The following SLC35A5 variants were observed in gnomAD, a reference collection of about 807,000 sequenced individuals.
SLC35A5 encodes solute carrier family 35 member A5.
In SLC35A5, 28 loss-of-function variants were observed where a neutral mutation model predicts 36.3. The ratio of observed to expected loss-of-function variants is 0.77; its 90% CI spans 0.57 to 1.06. SLC35A5 has a LOEUF of 1.06. Among genes scored for constraint, SLC35A5 ranks in the 50% least tolerant of loss-of-function variants. The pLI is 0.00. For missense variants in SLC35A5, 521 were observed against 499.3 expected (o/e 1.04, Z -0.41); for synonymous variants, 180 against 173.7 (o/e 1.04, Z -0.29).
intron 5 of SLC35A5, among the ~76,000 whole-genome samples, chr3:112,578,035 T>C (rs1934744973): frequency 6.6e-6 from 1 of 152,210 alleles, no homozygotes; most frequent in Non-Finnish European, 1.5e-5. Context: ...CTAGGAAAAC[T>C]TATAGTGATG....
intron 3 of SLC35A5, 64 bp from the exon 4 acceptor site, chr3:112,570,476 G>C (rs1934387587): frequency 6.6e-7 from 1 of 1,518,200 alleles, no homozygotes; most frequent in African/African-American, 1.4e-5. Context: ...ATCAAGTGCA[G>C]TGTAATTTCT....
chr3:112,584,875 A>G lies in SLC35A5; in HGVS notation c.*2139A>G, dbSNP rs933395590. ...TGCAGCCATAAAAAATAATGAAACCATGTGCTTTAAAGCCACATGGATGCA... is the reference window on the plus strand; with the variant it reads ...TGCAGCCATAAAAAATAATGAAACCGTGTGCTTTAAAGCCACATGGATGCA... On this transcript the variant is annotated 3_prime_UTR_variant, in exon 7 of 7. Transcript: ENST00000492406. 2 of 152,176 alleles carry G rather than the reference A, an allele frequency of 1.3e-5. No individual in the cohort carries two copies. Among genetic ancestry groups the G allele is most frequent in the Admixed American group, 6.5e-5 (1 of 15,270 alleles). 9.4% of individuals were successfully genotyped at this position (152,176 alleles called of 1,614,324 possible). A position where few individuals can be genotyped will look rare whatever the true frequency, so the allele number is the denominator to read the frequency against.
chr3:112,562,734 A>G (rs1222605740), intron 1 of SLC35A5, among the ~76,000 whole-genome samples: 2 of 152,356 alleles, frequency 1.3e-5, no homozygotes, highest in East Asian at 3.9e-4. Context: ...TACAATTCTG[A>G]AAGCCTTATC....
rs775489012 is a variant in SLC35A5, at chr3:112,580,650, G to T, written c.533G>T (p.Arg178Leu). The stretch of plus-strand genomic sequence containing the variant: ...ACTTTACAGCACAACTTGGCAGGAC[G>T]TGGATTTCATCACGATGCCTTTTTC... ...TKTLQHNLAG[R>L]GFHHDAFFSP... The change falls in exon 6 of 7, where the codon CGT (arginine) becomes CTT (leucine). Residue 178 changes from arginine (R) to leucine (L), a missense_variant. Transcript: ENST00000492406. 179 of 1,613,996 alleles carry T rather than the reference G, an allele frequency of 1.1e-4. 1 individual carries two copies. The highest frequency in any genetic ancestry group is 1.5e-4 in the Non-Finnish European group (174 of 1,179,972).
chr3:112,569,306 T>A (rs1408689008), intron 3 of SLC35A5, 37 bp downstream of exon 3: 3 of 1,518,136 alleles, frequency 2.0e-6, no homozygotes, highest in Admixed American at 3.5e-5. Context: ...TTGTTAATCA[T>A]AGGACCAAAA....
chr3:112,574,073 T>G, intron 5 of SLC35A5, 117 bp downstream of exon 5: 2 of 910,488 alleles, frequency 2.2e-6, no homozygotes, highest in Non-Finnish European at 1.7e-6. Context: ...TTGTTCCTAA[T>G]TGACTTTGTG....
intron 2 of SLC35A5, among the ~76,000 whole-genome samples, chr3:112,567,283 A>G (rs537754971): frequency 1.4e-3 from 208 of 152,072 alleles, no homozygotes; most frequent in African/African-American, 5.0e-3. Context: ...AGCCAAAGGA[A>G]ATGGAGCCAA....
chr3:112,562,384 G>A (rs1257070571), intron 1 of SLC35A5, 111 bp downstream of exon 1: 1 of 152,322 alleles, frequency 6.6e-6, no homozygotes, highest in African/African-American at 2.4e-5. Context: ...GACTGTGAAG[G>A]GAAATCTGGC....
intron 2 of SLC35A5, among the ~76,000 whole-genome samples, chr3:112,566,294 C>G (rs1417280458): frequency 6.6e-6 from 1 of 152,174 alleles, no homozygotes; most frequent in East Asian, 1.9e-4. Context: ...AGCTATGTCC[C>G]TACTGCAGTT....
At chr3:112,574,237 A>C (rs1178965390) in intron 5 of SLC35A5, among the ~76,000 whole-genome samples, 1 of 152,246 alleles carries the variant, frequency 6.6e-6, no homozygotes, top group Non-Finnish European at 1.5e-5. Flanking sequence ...CCAGATTTTC[A>C]ACAAAGAATT....
chr3:112,569,174 AC>A lies in SLC35A5; in HGVS notation c.135del (p.Asn45LysfsTer10). 3 of 1,612,164 alleles carry A rather than the reference AC, an allele frequency of 1.9e-6. No individual in the cohort carries two copies. Among genetic ancestry groups the A allele is most frequent in the Non-Finnish European group, 2.5e-6 (3 of 1,178,724 alleles). ...AAACATTTCTGTTACATTTCAGAAA[AC>A]AAGTATGATTATCTTCCAACTACTG... ...LLVKYSANEE[N>X]KYDYLPTTVN... On this transcript the variant is annotated frameshift_variant, in exon 3 of 7. Coordinates refer to ENST00000492406, the MANE Select transcript of SLC35A5 (RefSeq NM_017945.5). LOFTEE classifies it high-confidence loss of function.
At chr3:112,567,801 A>G (rs1934266726) in intron 2 of SLC35A5, among the ~76,000 whole-genome samples, 1 of 152,176 alleles carries the variant, frequency 6.6e-6, no homozygotes. Context: ...AACCACTGAA[A>G]AGCAAGAACA....
At chr3:112,570,742 T>A (rs1056352596) in intron 4 of SLC35A5, 72 bp downstream of exon 4, 8 of 1,410,578 alleles carry the variant, frequency 5.7e-6, no homozygotes, top group Non-Finnish European at 6.6e-6. Context: ...TTTTTTTTTT[T>A]ATCATTTTTG....
At chr3:112,565,990 A>G (rs1200842906) in intron 2 of SLC35A5, among the ~76,000 whole-genome samples, 1 of 152,204 alleles carries the variant, frequency 6.6e-6, no homozygotes, top group East Asian at 1.9e-4. Context: ...TGGCAGTGGA[A>G]AAGACAGGAA....
At chr3:112,561,444 T>G, upstream of SLC35A5, 1 of 1,605,054 alleles carries the variant, frequency 6.2e-7, no homozygotes, top group Non-Finnish European at 8.5e-7. Flanking sequence ...CCGGCAACCC[T>G]GGCCTGGCTT....
chr3:112,578,066 A>G (rs1399053981), intron 5 of SLC35A5, among the ~76,000 whole-genome samples: 1 of 152,244 alleles, frequency 6.6e-6, no homozygotes, highest in Non-Finnish European at 1.5e-5. Flanking sequence ...ATAAGTATAT[A>G]TAGAAAATAT....
At chr3:112,569,338 A>AT in intron 3 of SLC35A5, 69 bp downstream of exon 3, 1 of 1,158,512 alleles carries the variant, frequency 8.6e-7, no homozygotes, top group Admixed American at 1.8e-5. Context: ...TGGAAGGAAC[A>AT]TTTTGTATCA....
chr3:112,566,980 A>G (rs1559856266), intron 2 of SLC35A5, among the ~76,000 whole-genome samples: 1 of 152,166 alleles, frequency 6.6e-6, no homozygotes, highest in Non-Finnish European at 1.5e-5. Context: ...TAATCCCAGC[A>G]CTTTGGGAGG....
intron 2 of SLC35A5, among the ~76,000 whole-genome samples, chr3:112,567,716 CAGG>C (rs921307266): frequency 2.2e-4 from 34 of 152,294 alleles, no homozygotes; most frequent in African/African-American, 7.7e-4. Flanking sequence ...TTAGTGTGGG[CAGG>C]AGATGTGTGG....
Sources: allele counts gnomAD v4.1 joint callset (sites outside exome capture counted in the v4.1 genomes callset), GRCh38; gene constraint gnomAD v4.1.1; transcripts MANE v1.5; gene names NCBI Gene and HGNC (gene_info 2026-07-23, HGNC 2026-07-21).